Variants in TNNI3K observed in about 807,000 individuals in gnomAD.
TNNI3K encodes the protein serine/threonine-protein kinase TNNI3K.
A neutral mutation model predicts 114.5 loss-of-function variants in TNNI3K; 140 were observed. That is an observed-to-expected ratio of 1.22 (90% confidence interval 1.07 to 1.41). The LOEUF (loss-of-function observed/expected upper bound fraction) is 1.41, where lower values mean the gene tolerates loss of function less well. Among genes scored for constraint, TNNI3K ranks in the 40% most tolerant of loss-of-function variants. TNNI3K has a pLI of 0.00. For missense variants in TNNI3K, 1,125 were observed against 1,007.6 expected (o/e 1.12, Z -1.58); for synonymous variants, 347 against 347.5 (o/e 1.00, Z 0.02).
At chr1:74,308,128 A>G (rs1378355364) in intron 5 of TNNI3K, among the ~76,000 whole-genome samples, 2 of 152,016 alleles carry the variant, frequency 1.3e-5, no homozygotes, top group African/African-American at 2.4e-5. Context: ...ACCAACAAAG[A>G]AATTCTGGAC....
At chr1:74,410,141 T>C (rs1211874892) in intron 17 of TNNI3K, among the ~76,000 whole-genome samples, 1 of 152,186 alleles carries the variant, frequency 6.6e-6, no homozygotes, top group Non-Finnish European at 1.5e-5. Flanking sequence ...TATGACAAAT[T>C]AATTCTGATA....
intron 5 of TNNI3K, among the ~76,000 whole-genome samples, chr1:74,305,452 G>C (rs2100334754): frequency 6.6e-6 from 1 of 152,298 alleles, no homozygotes; most frequent in South Asian, 2.1e-4. Flanking sequence ...ATCCCATGAA[G>C]AGCTCAGAAA....
At position 74,345,234 on chromosome 1, in the gene TNNI3K, T is replaced by A. The variant is rs572031865; in HGVS notation, c.932+2055T>A. ...GATGATATGATATATTGCACTGAGA[T>A]GGTAGTTTTTTTATTCACTCAATAA... is the stretch of plus-strand genomic sequence containing the variant. On this transcript the variant is annotated intron_variant, in intron 9 of 24. Coordinates refer to ENST00000326637, the MANE Select transcript of TNNI3K (RefSeq NM_015978.3). 3.9e-5 allele frequency among the ~76,000 whole-genome samples: 6 copies of A among 152,200 alleles called. No individual in the cohort carries two copies. The South Asian group carries it at 1.2e-3, about 32-fold the overall frequency.
Position 74,249,499 on chromosome 1 carries a change from A to G in TNNI3K, c.190A>G (p.Thr64Ala). 1.2e-6 allele frequency: 2 copies of G among 1,613,680 alleles called. No homozygotes were observed. The highest frequency in any genetic ancestry group is 1.7e-6 in the Non-Finnish European group (2 of 1,179,806). Residue 64 changes from threonine to alanine, a missense_variant, in exon 3 of 25, where the codon ACT (threonine) becomes GCT (alanine). Transcript: ENST00000326637. ...AFSKVNLNYR[T>A]ENGLSLLHLC... Reference sequence around the variant, plus strand: ...CAGTAAAGTCAATTTAAATTACCGCACTGAAAATGGGCTGTCTCTACTTCA... The same window carrying G: ...CAGTAAAGTCAATTTAAATTACCGCGCTGAAAATGGGCTGTCTCTACTTCA...
intron 5 of TNNI3K, among the ~76,000 whole-genome samples, chr1:74,296,886 A>T (rs940275653): frequency 1.3e-5 from 2 of 152,122 alleles, no homozygotes; most frequent in Non-Finnish European, 2.9e-5. Flanking sequence ...TTTTACCATG[A>T]TATTCCCAGT....
At chr1:74,483,088 A>C (rs1668584579) in intron 21 of TNNI3K, among the ~76,000 whole-genome samples, 1 of 152,258 alleles carries the variant, frequency 6.6e-6, no homozygotes. Context: ...GATTGAGACC[A>C]TCAGGAACAG....
intron 5 of TNNI3K, among the ~76,000 whole-genome samples, chr1:74,325,959 G>A (rs959180152): frequency 6.6e-6 from 1 of 152,132 alleles, no homozygotes; most frequent in Non-Finnish European, 1.5e-5. Context: ...GGAAATGGGT[G>A]TCATCCCAAT....
chr1:74,428,582 A>G (rs924512744), intron 17 of TNNI3K, among the ~76,000 whole-genome samples: 3 of 152,026 alleles, frequency 2.0e-5, no homozygotes, highest in East Asian at 3.9e-4. Context: ...TCTTCTGGAC[A>G]TGGTAGGAGT....
chr1:74,370,297 T>A lies in TNNI3K; in HGVS notation c.1677T>A (p.Asp559Glu), dbSNP rs763717589. 6.3e-7 allele frequency: 1 copy of A among 1,590,020 alleles called. No individual in the cohort carries two copies. Among genetic ancestry groups the A allele is most frequent in the East Asian group, 2.3e-5 (1 of 44,096 alleles). ...TATTTTTAAATTCTAGGATTCTTGA[T>A]TTGCAGTCTAAATTAATTATTGCAG... ...SLLHEQKRIL[D>E]LQSKLIIAVD... Residue 559 changes from aspartate (D) to glutamate (E), a missense_variant, in exon 17 of 25, where the codon GAT becomes GAA. Transcript: ENST00000326637.
chr1:74,426,577 A>G (rs1665650631), intron 17 of TNNI3K, among the ~76,000 whole-genome samples: 2 of 151,780 alleles, frequency 1.3e-5, no homozygotes, highest in Non-Finnish European at 2.9e-5. Context: ...CTTTTTTTCT[A>G]TCTTACTCGT....
chr1:74,527,460 A>G (rs768492694), intron 23 of TNNI3K, among the ~76,000 whole-genome samples: 2 of 152,256 alleles, frequency 1.3e-5, no homozygotes, highest in Non-Finnish European at 2.9e-5. Context: ...AGTCTGCCGT[A>G]AGGAGACTCT....
intron 17 of TNNI3K, among the ~76,000 whole-genome samples, chr1:74,393,535 CTA>C (rs1308684188): frequency 1.3e-5 from 2 of 152,154 alleles, no homozygotes; most frequent in Non-Finnish European, 2.9e-5. Flanking sequence ...CAGGCAATTT[CTA>C]TCTCTTGTGC....
intron 17 of TNNI3K, among the ~76,000 whole-genome samples, chr1:74,419,005 A>G (rs1346977467): frequency 6.6e-6 from 1 of 152,080 alleles, no homozygotes; most frequent in Non-Finnish European, 1.5e-5. Context: ...TTATTTTTTA[A>G]CCAGTCCATC....
intron 5 of TNNI3K, among the ~76,000 whole-genome samples, chr1:74,320,572 T>C (rs1360039343): frequency 6.6e-6 from 1 of 152,248 alleles, no homozygotes; most frequent in African/African-American, 2.4e-5. Flanking sequence ...CACTTCATAT[T>C]CTACACATGT....
At chr1:74,268,270 G>A (rs1435453833) in intron 4 of TNNI3K, among the ~76,000 whole-genome samples, 1 of 151,782 alleles carries the variant, frequency 6.6e-6, no homozygotes, top group Non-Finnish European at 1.5e-5. Context: ...CCATCTGCAG[G>A]GAAAATGTTT....
chr1:74,367,869 A>G, intron 12 of TNNI3K, 39 bp from the exon 13 acceptor site: 1 of 1,535,502 alleles, frequency 6.5e-7, no homozygotes, highest in Non-Finnish European at 8.8e-7. Flanking sequence ...GAAAAAAATG[A>G]TCGCTACTTT....
intron 21 of TNNI3K, chr1:74,480,147 G>C: frequency 1.4e-6 from 1 of 713,166 alleles, no homozygotes; most frequent in South Asian, 1.5e-5. Context: ...CTTCTCCCCG[G>C]CATACCTGCG....
chr1:74,268,351 G>A (rs1451347164), intron 4 of TNNI3K, among the ~76,000 whole-genome samples: 1 of 151,872 alleles, frequency 6.6e-6, no homozygotes, highest in Non-Finnish European at 1.5e-5. Context: ...TATTGGTAAA[G>A]TGAGAGTTAA....
Position 74,370,104 on chromosome 1 carries a change from T to C in TNNI3K, c.1668-184T>C, listed in dbSNP as rs12034234. 0.6 allele frequency among the ~76,000 whole-genome samples: 90,579 copies of C among 151,692 alleles called. 30,451 individuals are homozygous for C. Among genetic ancestry groups the C allele is most frequent in the East Asian group, 0.82 (4,199 of 5,122 alleles). ...AAACAAGAGATGCTGTATATCTTAA[T>C]TGATTCATAATTAAGCATTTTCTGA... On this transcript the variant is annotated intron_variant, in intron 16 of 24. Coordinates refer to ENST00000326637, the MANE Select transcript of TNNI3K (RefSeq NM_015978.3).
Sources: allele counts gnomAD v4.1 joint callset (sites outside exome capture counted in the v4.1 genomes callset), GRCh38; gene constraint gnomAD v4.1.1; transcripts MANE v1.5; gene names NCBI Gene and HGNC (gene_info 2026-07-23, HGNC 2026-07-21).